GRK5: variants seen among roughly 807,000 people sequenced by gnomAD.
GRK5 encodes G protein-coupled receptor kinase 5, also known as g protein-coupled receptor kinase GRK5.
Under a neutral mutation model 78.4 loss-of-function variants are expected in GRK5, and 40 were observed. The ratio of observed to expected loss-of-function variants is 0.51; its 90% CI spans 0.40 to 0.66. GRK5 has a LOEUF of 0.66. GRK5 is among the 30% of genes least tolerant of loss of function. The pLI is 0.00. For missense variants in GRK5, 598 were observed against 759.9 expected (o/e 0.79, Z 2.50); for synonymous variants, 289 against 296.8 (o/e 0.97, Z 0.27).
chr10:119,443,822 T>C, intron 12 of GRK5, 70 bp downstream of exon 12: 1 of 1,324,896 alleles, frequency 7.5e-7, no homozygotes, highest in Non-Finnish European at 1.0e-6. Context: ...CCCCAGTCTG[T>C]CCCCAGAACA....
intron 1 of GRK5, among the ~76,000 whole-genome samples, chr10:119,320,514 CGACCAGTGCT>C (rs1564889968): frequency 6.6e-6 from 1 of 152,160 alleles, no homozygotes; most frequent in East Asian, 1.9e-4. Context: ...ACAGACTGAC[CGACCAGTGCT>C]TCCTACACAC....
At chr10:119,417,400 A>G (rs1045061390) in intron 4 of GRK5, among the ~76,000 whole-genome samples, 1 of 152,156 alleles carries the variant, frequency 6.6e-6, no homozygotes, top group African/African-American at 2.4e-5. Flanking sequence ...GCGGCAGTTG[A>G]CCTGGGAGGG....
rs762277192 is a variant in GRK5 at position 119,455,142 on chromosome 10, C to T, written c.*75C>T. On this transcript the variant is annotated 3_prime_UTR_variant, in exon 16 of 16. Transcript: ENST00000392870. ...CCTTAGAAGTGGAAGTAGTGGAGCC[C>T]CTGCTCTGGTGGGGCTGCCAGGGGA... is the stretch of plus-strand genomic sequence containing the variant. 4 of 1,216,884 alleles carry T rather than the reference C, an allele frequency of 3.3e-6. No individual in the cohort carries two copies. The South Asian group carries it at 3.6e-5, about 11-fold the overall frequency. 75.4% of individuals were successfully genotyped at this position (1,216,884 alleles called of 1,614,324 possible). A position where few individuals can be genotyped will look rare whatever the true frequency, so the allele number is the denominator to read the frequency against.
chr10:119,458,236 TTTCAGGAGATGAG>T lies in GRK5; in HGVS notation c.*3170_*3182del, dbSNP rs1853429764. 6.6e-6 allele frequency: 1 copy of T among 152,212 alleles called. No individual in the cohort carries two copies. Among genetic ancestry groups the T allele is most frequent in the African/African-American group, 2.4e-5 (1 of 41,452 alleles). 9.4% of individuals were successfully genotyped at this position (152,212 alleles called of 1,614,324 possible). On this transcript the variant is annotated 3_prime_UTR_variant, in exon 16 of 16. Transcript: ENST00000392870. ...TCTCAGAAGCGTCTCTGCATCTGCA[TTTCAGGAGATGAG>T]CTGCTGTCCCTGGTGGACAGAGGCG...
At chr10:119,370,241 C>T (rs1249282238) in intron 2 of GRK5, among the ~76,000 whole-genome samples, 2 of 152,182 alleles carry the variant, frequency 1.3e-5, no homozygotes, top group Admixed American at 6.5e-5. Flanking sequence ...CCACTGTCCC[C>T]GCCACACTTC....
chr10:119,368,572 G>A (rs942358779), intron 2 of GRK5, among the ~76,000 whole-genome samples: 16 of 152,228 alleles, frequency 1.1e-4, no homozygotes, highest in Non-Finnish European at 1.3e-4. Context: ...TTTTGTAAAA[G>A]GGGAAACCAA....
intron 1 of GRK5, among the ~76,000 whole-genome samples, chr10:119,242,027 G>T (rs570298779): frequency 6.6e-6 from 1 of 152,244 alleles, no homozygotes; most frequent in African/African-American, 2.4e-5. Flanking sequence ...GTTGTCTCAG[G>T]TGCTAAGAGT....
intron 2 of GRK5, among the ~76,000 whole-genome samples, chr10:119,344,930 C>CTTCCTTCT (rs1313368036): frequency 1.5e-4 from 21 of 135,584 alleles, no homozygotes; most frequent in African/African-American, 5.1e-4. Context: ...TCCTTCCTTC[C>CTTCCTTCT]TTCCTTTTCC....
intron 1 of GRK5, among the ~76,000 whole-genome samples, chr10:119,321,596 C>T (rs770968940): frequency 2.0e-5 from 3 of 152,202 alleles, no homozygotes; most frequent in African/African-American, 4.8e-5. Context: ...TGACAGTGGG[C>T]CCACCTGGAT....
In GRK5 at chr10:119,271,190, G is replaced by C. The variant is rs1278866317; in HGVS notation, c.53-55326G>C. On this transcript the variant is annotated intron_variant, in intron 1 of 15. Transcript: ENST00000392870. The surrounding 1 kb of genome is among the most constrained non-coding windows in gnomAD (Gnocchi z 4.1). ...GGGAGTGTTCACCGGAAACCTGCCCGGGCCACACGTGTACAGCCACATCCT... is the reference window on the plus strand; with the variant it reads ...GGGAGTGTTCACCGGAAACCTGCCCCGGCCACACGTGTACAGCCACATCCT... 6.6e-6 allele frequency among the ~76,000 whole-genome samples: 1 copy of C among 152,018 alleles called. No homozygotes were observed. Among genetic ancestry groups the C allele is most frequent in the Non-Finnish European group, 1.5e-5 (1 of 67,994 alleles).
chr10:119,394,663 C>CCA lies in GRK5; in HGVS notation c.262-2032_262-2031insCA, dbSNP rs557025329. On this transcript the variant is annotated intron_variant, in intron 3 of 15. Transcript: ENST00000392870. ...TGGGTGTGTGTGTGGGTGTGTGTAT[C>CCA]TGTGTCTGTGGGCACGTGTGTGTGG... Among the ~76,000 whole-genome samples the CCA allele has an allele frequency of 6.2e-3, 15 of 2,424 alleles. 4 individuals are homozygous for CCA. The highest frequency in any genetic ancestry group is 0.012 in the Non-Finnish European group (13 of 1,048). 1.6% of individuals were successfully genotyped at this position (2,424 alleles called of 152,430 possible).
intron 5 of GRK5, among the ~76,000 whole-genome samples, chr10:119,424,423 C>T (rs912538886): frequency 6.6e-6 from 1 of 152,110 alleles, no homozygotes; most frequent in African/African-American, 2.4e-5. Context: ...TCCCAGGGCT[C>T]GGCCTGGCAC....
chr10:119,282,948 T>C (rs1028758015), intron 1 of GRK5, among the ~76,000 whole-genome samples: 3 of 152,162 alleles, frequency 2.0e-5, no homozygotes, highest in Non-Finnish European at 4.4e-5. Flanking sequence ...ATCCAGTCCC[T>C]CCTCTAGGCC....
intron 1 of GRK5, among the ~76,000 whole-genome samples, chr10:119,303,189 TAAAAC>T (rs1850212329): frequency 1.3e-5 from 2 of 152,076 alleles, no homozygotes; most frequent in South Asian, 4.1e-4. Context: ...GAATTGAGAG[TAAAAC>T]GCTAGTTGGA....
intron 1 of GRK5, among the ~76,000 whole-genome samples, chr10:119,269,060 G>T (rs897225334): frequency 2.0e-5 from 3 of 152,206 alleles, no homozygotes; most frequent in Non-Finnish European, 4.4e-5. Context: ...AGATTTGGGG[G>T]CCTCTGCCAC....
chr10:119,292,176 T>C (rs905480609), intron 1 of GRK5, among the ~76,000 whole-genome samples: 33 of 35,056 alleles, frequency 9.4e-4, no homozygotes, highest in East Asian at 3.1e-3. Context: ...CCTCCTCCTC[T>C]TCCTCCTCCT....
intron 1 of GRK5, among the ~76,000 whole-genome samples, chr10:119,289,283 C>T (rs1849911111): frequency 6.6e-6 from 1 of 152,192 alleles, no homozygotes; most frequent in Non-Finnish European, 1.5e-5. Flanking sequence ...GAGGCTGCAG[C>T]TCTTTTGGTT....
intron 2 of GRK5, among the ~76,000 whole-genome samples, chr10:119,332,402 C>T (rs116574366): frequency 0.011 from 1,732 of 152,282 alleles, 37 homozygotes; most frequent in African/African-American, 0.04. Flanking sequence ...CCACTGCACC[C>T]GGCCAGCTAT....
intron 1 of GRK5, among the ~76,000 whole-genome samples, chr10:119,302,993 G>A (rs189910564): frequency 1.3e-5 from 2 of 152,310 alleles, no homozygotes; most frequent in East Asian, 1.9e-4. Context: ...TTGATGGATC[G>A]AATATCTTGC....
Sources: allele counts gnomAD v4.1 joint callset (sites outside exome capture counted in the v4.1 genomes callset), GRCh38; gene constraint gnomAD v4.1.1; non-coding constraint Gnocchi (gnomAD v3.1); transcripts MANE v1.5; gene names NCBI Gene and HGNC (gene_info 2026-07-23, HGNC 2026-07-21).